Variants in CADPS observed in about 807,000 individuals in gnomAD.
CADPS encodes calcium-dependent secretion activator 1.
A neutral mutation model predicts 167.3 loss-of-function variants in CADPS; 57 were observed. The observed-to-expected ratio is 0.34, with a 90% CI of 0.28 to 0.42. The LOEUF (loss-of-function observed/expected upper bound fraction) is 0.42. Ranked by LOEUF, CADPS falls within the 20% of genes least tolerant of loss-of-function variation. The pLI is 1.00. For missense variants in CADPS, 1,414 were observed against 1,738.1 expected, an observed-to-expected ratio of 0.81 and a Z score of 3.32; for synonymous variants, 676 against 635.3, an observed-to-expected ratio of 1.06 and a Z score of -0.96.
intron 3 of CADPS, among the ~76,000 whole-genome samples, chr3:62,733,816 T>C (rs749693973): frequency 1.3e-5 from 2 of 152,154 alleles, no homozygotes; most frequent in Admixed American, 6.6e-5. Context: ...CGATACCCAA[T>C]ATGTAGTCTT....
chr3:62,834,064 T>C (rs1320399256), intron 1 of CADPS, among the ~76,000 whole-genome samples: 2 of 152,204 alleles, frequency 1.3e-5, no homozygotes, highest in Non-Finnish European at 2.9e-5. Context: ...TTCTCTGTCA[T>C]GGGTCTTTGT....
At chr3:62,634,152 T>G (rs1021045666) in intron 6 of CADPS, among the ~76,000 whole-genome samples, 14 of 152,220 alleles carry the variant, frequency 9.2e-5, no homozygotes, top group Admixed American at 3.3e-4. Context: ...TTTAATATGA[T>G]GAATGCTAGT....
intron 13 of CADPS, among the ~76,000 whole-genome samples, chr3:62,527,478 AC>A (rs1164580816): frequency 6.6e-6 from 1 of 151,964 alleles, no homozygotes; most frequent in African/African-American, 2.4e-5. Context: ...AGTGGGGATT[AC>A]CCCCAGTAAT....
chr3:62,692,707 T>C (rs2079406421), intron 3 of CADPS, among the ~76,000 whole-genome samples: 1 of 152,062 alleles, frequency 6.6e-6, no homozygotes, highest in Admixed American at 6.6e-5. Context: ...ACCATCTACC[T>C]GGTCTCTCTG....
intron 3 of CADPS, among the ~76,000 whole-genome samples, chr3:62,679,103 G>A (rs2076744926): frequency 6.6e-6 from 1 of 151,912 alleles, no homozygotes; most frequent in Non-Finnish European, 1.5e-5. Flanking sequence ...GAAAAAAAGT[G>A]AGCATCTTGT....
intron 6 of CADPS, among the ~76,000 whole-genome samples, chr3:62,640,321 G>C (rs1008631710): frequency 6.6e-6 from 1 of 152,072 alleles, no homozygotes; most frequent in African/African-American, 2.4e-5. Flanking sequence ...CAACTGGAGG[G>C]AACAACTTCC....
chr3:62,690,975 T>A (rs967898006), intron 3 of CADPS, among the ~76,000 whole-genome samples: 1 of 151,998 alleles, frequency 6.6e-6, no homozygotes, highest in Non-Finnish European at 1.5e-5. Context: ...ATTTAGACAA[T>A]AGAATATTAT....
rs186826953 is a variant in CADPS at position 62,581,927 on chromosome 3, T to C, written c.1577+3258A>G. On this transcript the variant is annotated intron_variant, in intron 8 of 29. Coordinates refer to ENST00000383710, the MANE Select transcript of CADPS (RefSeq NM_003716.4). Reference sequence around the variant, plus strand: ...AGAAAGGCATCTAGGAGTTGCTGATTCTCAAATATGCCCAGATACTAACAT... The same window carrying C: ...AGAAAGGCATCTAGGAGTTGCTGATCCTCAAATATGCCCAGATACTAACAT... 3.3e-3 allele frequency among the ~76,000 whole-genome samples: 503 copies of C among 152,268 alleles called. 2 individuals are homozygous for C. The highest frequency in any genetic ancestry group is 0.011 in the African/African-American group (476 of 41,546).
intron 2 of CADPS, among the ~76,000 whole-genome samples, chr3:62,762,778 T>A (rs1576032152): frequency 1.3e-5 from 2 of 152,122 alleles, no homozygotes; most frequent in Middle Eastern, 3.4e-3. Context: ...GCCCTGGAAC[T>A]AATGCTCTGC....
intron 28 of CADPS, among the ~76,000 whole-genome samples, chr3:62,407,980 C>T (rs2048236919): frequency 1.3e-5 from 2 of 152,166 alleles, no homozygotes; most frequent in Non-Finnish European, 2.9e-5. Context: ...GGTGATCTGC[C>T]CATCTTGGCT....
intron 1 of CADPS, among the ~76,000 whole-genome samples, chr3:62,839,075 A>G (rs894717602): frequency 3.9e-4 from 60 of 152,206 alleles, no homozygotes; most frequent in African/African-American, 1.4e-3. Flanking sequence ...ATTTATTCAG[A>G]GGATTATGGG....
chr3:62,493,319 G>A (rs7629455), intron 19 of CADPS, among the ~76,000 whole-genome samples: 3,572 of 152,256 alleles, frequency 0.023, 56 homozygotes, highest in Non-Finnish European at 0.036. Flanking sequence ...AGAATGAGTG[G>A]CAGTGTCAAC....
At chr3:62,571,599 T>C (rs1366390598) in intron 8 of CADPS, among the ~76,000 whole-genome samples, 2 of 151,968 alleles carry the variant, frequency 1.3e-5, no homozygotes, top group African/African-American at 2.4e-5. Context: ...AGTTTCACTC[T>C]TGTTGCCCAG....
chr3:62,751,479 T>C (rs304163), intron 3 of CADPS, among the ~76,000 whole-genome samples: 150,519 of 152,282 alleles, frequency 0.99, 74,394 homozygotes, highest in East Asian at 1. Context: ...TGGAGTCTCG[T>C]TCTGTTGCCC....
At chr3:62,453,317 G>T (rs1229796828) in intron 26 of CADPS, among the ~76,000 whole-genome samples, 1 of 151,950 alleles carries the variant, frequency 6.6e-6, no homozygotes, top group Non-Finnish European at 1.5e-5. Flanking sequence ...GCCATGTGCC[G>T]ATATGACTTT....
At chr3:62,584,427 A>T (rs953503339) in intron 8 of CADPS, among the ~76,000 whole-genome samples, 5 of 152,244 alleles carry the variant, frequency 3.3e-5, no homozygotes, top group South Asian at 2.1e-4. Context: ...AATGATAGCC[A>T]GTTGGCAGCG....
intron 2 of CADPS, among the ~76,000 whole-genome samples, chr3:62,761,791 A>G (rs779428825): frequency 2.0e-5 from 3 of 152,168 alleles, no homozygotes; most frequent in South Asian, 2.1e-4. Context: ...CTCTGATGCC[A>G]TATCTCAGGA....
At chr3:62,620,966 C>A (rs2063081765) in intron 6 of CADPS, among the ~76,000 whole-genome samples, 1 of 152,174 alleles carries the variant, frequency 6.6e-6, no homozygotes, top group Admixed American at 6.5e-5. Context: ...CAGGTTCTAG[C>A]CCCTCTCCAG....
chr3:62,694,381 T>C (rs576607267), intron 3 of CADPS, among the ~76,000 whole-genome samples: 1 of 152,218 alleles, frequency 6.6e-6, no homozygotes, highest in African/African-American at 2.4e-5. Context: ...TCACTGTCAA[T>C]GTTGTTTACT....
Sources: allele counts gnomAD v4.1 joint callset (sites outside exome capture counted in the v4.1 genomes callset), GRCh38; gene constraint gnomAD v4.1.1; transcripts MANE v1.5; gene names NCBI Gene and HGNC (gene_info 2026-07-23, HGNC 2026-07-21).